Variants in MPP2 observed in about 807,000 individuals in gnomAD.
The protein encoded by MPP2 is MAGUK p55 scaffold protein 2.
In MPP2, 42 loss-of-function variants were observed where a neutral mutation model predicts 58.5. The ratio of observed to expected loss-of-function variants is 0.72; its 90% CI spans 0.56 to 0.93. MPP2 has a LOEUF of 0.93. MPP2 is among the 40% of genes least tolerant of loss of function. The probability of loss-of-function intolerance (pLI) is 0.00; values close to 1 mark genes in which losing one functional copy is unlikely to be tolerated. For missense variants in MPP2, 632 were observed against 760.4 expected, an observed-to-expected ratio of 0.83 and a Z score of 1.99; for synonymous variants, 300 against 307.8, an observed-to-expected ratio of 0.97 and a Z score of 0.26.
intron 2 of MPP2, 119 bp from the exon 3 acceptor site, chr17:43,898,499 G>A (rs607000): frequency 7.6e-5 from 46 of 608,900 alleles, no homozygotes; most frequent in Non-Finnish European, 1.2e-4. Context: ...GCCCCTCCCC[G>A]GCAACATTCC....
At chr17:43,881,207 C>G (rs1233279300) in intron 8 of MPP2, 37 bp downstream of exon 8, 1 of 1,613,554 alleles carries the variant, frequency 6.2e-7, no homozygotes, top group Admixed American at 1.7e-5. Flanking sequence ...CCTGTTGGAT[C>G]CCAGATTGGA....
At chr17:43,888,566 T>C (rs935390650) in intron 3 of MPP2, among the ~76,000 whole-genome samples, 6 of 152,192 alleles carry the variant, frequency 3.9e-5, no homozygotes, top group African/African-American at 1.2e-4. Context: ...TGGCAACCCT[T>C]GCATGGCTCT....
At position 43,875,824 on chromosome 17, in the gene MPP2, G is replaced by C. The variant is rs996729193; in HGVS notation, c.*1983C>G. ...TCTCCATCAGAGATGATGGTCATTT[G>C]GATCAAGGGGGCAGAAGCAGCTGCA... On this transcript the variant is annotated 3_prime_UTR_variant, in exon 13 of 13. Transcript: ENST00000269095. 6.6e-6 allele frequency: 1 copy of C among 152,196 alleles called. No homozygotes were observed. The highest frequency in any genetic ancestry group is 6.5e-5 in the Admixed American group (1 of 15,284). The allele number at this position is 152,196 out of a possible 1,614,324, so 9.4% of individuals were successfully genotyped here.
Position 43,883,209 on chromosome 17 carries a change from G to A in MPP2, c.297C>T (p.His99=), listed in dbSNP as rs767658577. ...AELAHILQEP[H]FQSLLETHDS... is the part of the protein sequence containing the mutation. ...AGCCCTAGCAGCCAGGAACCTGGAA[G>A]TGGGGCTCCTGGAGGATGTGGGCCA... Residue 99 remains histidine, a synonymous_variant, in exon 4 of 13, where the codon CAC becomes CAT. Coordinates refer to ENST00000269095, the MANE Select transcript of MPP2 (RefSeq NM_005374.5). 13 of 1,604,278 alleles carry A rather than the reference G, an allele frequency of 8.1e-6. No individual in the cohort carries two copies. The highest frequency in any genetic ancestry group is 1.1e-5 in the Non-Finnish European group (13 of 1,174,766).
intron 2 of MPP2, among the ~76,000 whole-genome samples, chr17:43,904,141 C>T (rs1363602429): frequency 2.0e-5 from 3 of 152,212 alleles, no homozygotes; most frequent in Admixed American, 1.3e-4. Context: ...AGCAATAGTA[C>T]GGGTCACCTC....
At chr17:43,909,533 A>C, upstream of MPP2, 2 of 1,395,002 alleles carry the variant, frequency 1.4e-6, no homozygotes, top group South Asian at 3.1e-5. Flanking sequence ...TTAATCAAGC[A>C]ATTATTACCT....
chr17:43,881,834 C>T (rs1007723391), intron 6 of MPP2, among the ~76,000 whole-genome samples: 4 of 152,128 alleles, frequency 2.6e-5, no homozygotes, highest in African/African-American at 7.2e-5. Flanking sequence ...AGGACCCTGG[C>T]ACCTAATCCT....
Position 43,900,411 on chromosome 17 carries a change from T to C in MPP2, c.32-2031A>G, listed in dbSNP as rs959807910. Reference sequence around the variant, plus strand: ...CCCTCCCCAGATGCCCCGACTCTGCTGGAGGAAGGTAGGCTAAGGGGCCAG... The same window carrying C: ...CCCTCCCCAGATGCCCCGACTCTGCCGGAGGAAGGTAGGCTAAGGGGCCAG... On this transcript the variant is annotated intron_variant, in intron 2 of 12. Coordinates refer to ENST00000269095, the MANE Select transcript of MPP2 (RefSeq NM_005374.5). 1.0e-5 allele frequency: 16 copies of C among 1,532,322 alleles called. No individual in the cohort carries two copies. The Admixed American group carries it at 2.4e-4, about 23-fold the overall frequency. The allele number at this position is 1,532,322 out of a possible 1,614,324, so 94.9% of individuals were successfully genotyped here. A position where few individuals can be genotyped will look rare whatever the true frequency, so the allele number is the denominator to read the frequency against.
chr17:43,898,088 T>A, intron 3 of MPP2, 174 bp downstream of exon 3: 1 of 616,716 alleles, frequency 1.6e-6, no homozygotes, highest in Non-Finnish European at 2.9e-6. Flanking sequence ...CAGCCCCCTC[T>A]ACCTGCAGCC....
At chr17:43,900,392 C>A in intron 2 of MPP2, 1 of 1,504,908 alleles carries the variant, frequency 6.6e-7, no homozygotes, top group Admixed American at 2.1e-5. Flanking sequence ...GCCACCCTCC[C>A]CAGATGCCCC....
At chr17:43,884,099 C>A in intron 3 of MPP2, 3 of 702,748 alleles carry the variant, frequency 4.3e-6, no homozygotes, top group Non-Finnish European at 7.8e-6. Flanking sequence ...AGTATTTCAG[C>A]ATGTATTTCA....
upstream of MPP2, chr17:43,907,843 C>T: frequency 1.0e-6 from 1 of 985,424 alleles, no homozygotes. Flanking sequence ...ATGAGACCGG[C>T]TTGATTACTC....
At position 43,882,628 on chromosome 17, in the gene MPP2, A is replaced by G; in HGVS notation, c.454-117T>C. On this transcript the variant is annotated intron_variant, in intron 5 of 12. Transcript: ENST00000269095. Reference sequence around the variant, plus strand: ...TACCCACCCACCCCCACCCTCACAAAGTCCTCCTCCATCCTTCTGCCTAAA... The same window carrying G: ...TACCCACCCACCCCCACCCTCACAAGGTCCTCCTCCATCCTTCTGCCTAAA... 3 of 961,156 alleles carry G rather than the reference A, an allele frequency of 3.1e-6. No individual in the cohort carries two copies. In the Admixed American group the frequency reaches 7.1e-5, roughly 23 times the overall value. 59.5% of individuals were successfully genotyped at this position (961,156 alleles called of 1,614,324 possible). A position where few individuals can be genotyped will look rare whatever the true frequency, so the allele number is the denominator to read the frequency against.
At chr17:43,881,898 C>T (rs968373807) in intron 6 of MPP2, among the ~76,000 whole-genome samples, 6 of 152,120 alleles carry the variant, frequency 3.9e-5, no homozygotes, top group Non-Finnish European at 7.4e-5. Flanking sequence ...TGGTGGAGGG[C>T]GAGAGACCCA....
chr17:43,881,121 CTTCT>C lies in MPP2; in HGVS notation c.953_956del (p.Lys318SerfsTer3). 6.2e-7 allele frequency: 1 copy of C among 1,613,926 alleles called. No individual in the cohort carries two copies. Among genetic ancestry groups the C allele is most frequent in the Non-Finnish European group, 8.5e-7 (1 of 1,179,976 alleles). Reference sequence around the variant, plus strand: ...TCTTGGTGGTCAAATACATCATTCGCTTCTTTTTCTTTCCTGAAAGGCTGCCGCA... The same window carrying C: ...TCTTGGTGGTCAAATACATCATTCGCTTTTCTTTCCTGAAAGGCTGCCGCA... On this transcript the variant is annotated frameshift_variant, in exon 9 of 13. Coordinates refer to ENST00000269095, the MANE Select transcript of MPP2 (RefSeq NM_005374.5). LOFTEE classifies it high-confidence loss of function.
chr17:43,881,208 C>T (rs776247536), intron 8 of MPP2, 36 bp downstream of exon 8: 1 of 1,613,494 alleles, frequency 6.2e-7, no homozygotes, highest in Non-Finnish European at 8.5e-7. Flanking sequence ...CTGTTGGATC[C>T]CAGATTGGAG....
chr17:43,904,388 C>A (rs765945706), intron 2 of MPP2, 42 bp downstream of exon 2: 10 of 1,607,904 alleles, frequency 6.2e-6, no homozygotes, highest in Middle Eastern at 1.7e-4. Context: ...CTGGCACCCT[C>A]TGAACCACTG....
Position 43,879,436 on chromosome 17 carries a change from TC to T in MPP2, c.1354-34del. The T allele has an allele frequency of 6.2e-7, 1 of 1,611,208 alleles. No individual in the cohort carries two copies. Among genetic ancestry groups the T allele is most frequent in the South Asian group, 1.1e-5 (1 of 90,848 alleles). ...AGGAGAAGGCAAGGTAGGGAGTATA[TC>T]CCCATGTCTGTCCTAGGAACCAGAG... On this transcript the variant is annotated intron_variant, in intron 11 of 12. Transcript: ENST00000269095. The surrounding 1 kb of genome is among the most constrained non-coding windows in gnomAD (Gnocchi z 4.1).
At position 43,876,023 on chromosome 17, in the gene MPP2, A is replaced by T. The variant is rs1408348475; in HGVS notation, c.*1784T>A. On this transcript the variant is annotated 3_prime_UTR_variant, in exon 13 of 13. Coordinates refer to ENST00000269095, the MANE Select transcript of MPP2 (RefSeq NM_005374.5). ...GGATGAAAGGACACTGACTAAGGGA[A>T]AAGAGGAGCAGGAGAATGAGTGTGT... The T allele has an allele frequency of 6.6e-6, 1 of 152,482 alleles. No individual in the cohort carries two copies. Among genetic ancestry groups the T allele is most frequent in the East Asian group, 1.9e-4 (1 of 5,202 alleles). The allele number at this position is 152,482 out of a possible 1,614,324, so 9.4% of individuals were successfully genotyped here. A position where few individuals can be genotyped will look rare whatever the true frequency, so the allele number is the denominator to read the frequency against.
Sources: allele counts gnomAD v4.1 joint callset (sites outside exome capture counted in the v4.1 genomes callset), GRCh38; gene constraint gnomAD v4.1.1; non-coding constraint Gnocchi (gnomAD v3.1); transcripts MANE v1.5; gene names NCBI Gene and HGNC (gene_info 2026-07-23, HGNC 2026-07-21).